STX11: variants seen among roughly 807,000 people sequenced by gnomAD.
STX11 encodes syntaxin 11, also known as syntaxin-11.
A neutral mutation model predicts 19.9 loss-of-function variants in STX11; 21 were observed. The observed-to-expected ratio is 1.06, with a 90% CI of 0.75 to 1.52. The LOEUF (loss-of-function observed/expected upper bound fraction) is 1.52. Among genes scored for constraint, STX11 ranks in the 40% most tolerant of loss-of-function variants. The pLI is 0.00. For synonymous variants in STX11, 193 were observed against 174.4 expected, an observed-to-expected ratio of 1.11 and a Z score of -0.84; for missense variants, 438 against 405.9, an observed-to-expected ratio of 1.08 and a Z score of -0.68.
chr6:144,162,459 T>C lies in STX11; in HGVS notation c.-6+11756T>C, dbSNP rs1429166238. ...TTTAGAAAGTTCCTTTAGTGGAGTT[T>C]TGGAAGGGAGCAAAAGTAATGTTCA... is the stretch of plus-strand genomic sequence containing the variant. On this transcript the variant is annotated intron_variant, in intron 1 of 1. Coordinates refer to ENST00000367568, the MANE Select transcript of STX11 (RefSeq NM_003764.4). The surrounding 1 kb of genome is among the most constrained non-coding windows in gnomAD (Gnocchi z 4.6). 6.6e-6 allele frequency among the ~76,000 whole-genome samples: 1 copy of C among 152,240 alleles called. No individual in the cohort carries two copies. Among genetic ancestry groups the C allele is most frequent in the Non-Finnish European group, 1.5e-5 (1 of 68,046 alleles).
chr6:144,140,202 C>G, the STX11 span, among the ~76,000 whole-genome samples: 1 of 99,806 alleles, frequency 1.0e-5, no homozygotes, highest in Non-Finnish European at 2.1e-5. Flanking sequence ...CATTTTTGGT[C>G]AATTCACATA....
rs1242174048 is a variant in STX11 at position 144,186,916 on chromosome 6, G to A, written c.289G>A (p.Gly97Ser). The change falls in exon 2 of 2, where the codon GGC (glycine) becomes AGC (serine). Residue 97 changes from glycine (G) to serine (S), a missense_variant. By Grantham distance (56) the Gly-to-Ser change is moderately conservative. Transcript: ENST00000367568. ...NSIAKAIKAR[G>S]EVIHCKLRAM... ...CATCGCCAAGGCCATCAAGGCCCGG[G>A]GCGAGGTCATCCACTGCAAGCTGCG... 6 of 1,610,626 alleles carry A rather than the reference G, an allele frequency of 3.7e-6. No individual in the cohort carries two copies. The highest frequency in any genetic ancestry group is 5.1e-6 in the Non-Finnish European group (6 of 1,180,010).
At chr6:144,179,319 G>T (rs577999327) in intron 1 of STX11, among the ~76,000 whole-genome samples, 1 of 152,318 alleles carries the variant, frequency 6.6e-6, no homozygotes, top group Admixed American at 6.5e-5. Flanking sequence ...TGAGATTTGG[G>T]TGGGGACATA....
rs1194378826 is a variant in STX11 at position 144,174,789 on chromosome 6, TA to T, written c.-5-11832del. Among the ~76,000 whole-genome samples the T allele has an allele frequency of 8.4e-6, 1 of 119,340 alleles. No homozygotes were observed. Among genetic ancestry groups the T allele is most frequent in the African/African-American group, 3.9e-5 (1 of 25,810 alleles). 78.3% of individuals were successfully genotyped at this position (119,340 alleles called of 152,430 possible). A position where few individuals can be genotyped will look rare whatever the true frequency, so the allele number is the denominator to read the frequency against. On this transcript the variant is annotated intron_variant, in intron 1 of 1. Transcript: ENST00000367568. The surrounding 1 kb of genome is among the most constrained non-coding windows in gnomAD (Gnocchi z 5.3). ...ACAGATGCTCACCACGTCATGGAAATAATCTAATTGGTTGATGTATTCATGG... is the reference window on the plus strand; with the variant it reads ...ACAGATGCTCACCACGTCATGGAAATATCTAATTGGTTGATGTATTCATGG...
chr6:144,187,213 G>A lies in STX11; in HGVS notation c.586G>A (p.Asp196Asn), dbSNP rs1258867894. The change falls in exon 2 of 2, where the codon GAC becomes AAC. Residue 196 changes from aspartate (D) to asparagine (N), a missense_variant. Coordinates refer to ENST00000367568, the MANE Select transcript of STX11 (RefSeq NM_003764.4). The surrounding 1 kb of genome is among the most constrained non-coding windows in gnomAD (Gnocchi z 5.6). ...WDVFSENLLA[D>N]VKGARAALNE... ...CGTGTTTTCCGAGAACTTGCTGGCCGACGTGAAGGGCGCGCGGGCCGCCCT... is the reference window on the plus strand; with the variant it reads ...CGTGTTTTCCGAGAACTTGCTGGCCAACGTGAAGGGCGCGCGGGCCGCCCT... The A allele has an allele frequency of 3.1e-6, 5 of 1,613,850 alleles. No individual in the cohort carries two copies. In the African/African-American group the frequency reaches 5.3e-5, roughly 17 times the overall value.
rs1241149259 is a variant in STX11 at position 144,185,397 on chromosome 6, GA to G, written c.-5-1224del. ...TGCTGCAAATTGTGTAGTAGAAAAAGAATCTTTCTCATCATGAAGTCTTGTG... is the reference window on the plus strand; with the variant it reads ...TGCTGCAAATTGTGTAGTAGAAAAAGATCTTTCTCATCATGAAGTCTTGTG... On this transcript the variant is annotated intron_variant, in intron 1 of 1. Coordinates refer to ENST00000367568, the MANE Select transcript of STX11 (RefSeq NM_003764.4). Among the ~76,000 whole-genome samples the G allele has an allele frequency of 2.6e-5, 4 of 152,240 alleles. No individual in the cohort carries two copies. The East Asian group carries it at 7.7e-4, about 29-fold the overall frequency.
intron 1 of STX11, among the ~76,000 whole-genome samples, chr6:144,163,619 C>A (rs1801402736): frequency 6.6e-6 from 1 of 152,102 alleles, no homozygotes; most frequent in Admixed American, 6.5e-5. Context: ...GCTGAGATAA[C>A]AGGCACCTGC....
In STX11 at chr6:144,177,284, C is replaced by T. The variant is rs1801799730; in HGVS notation, c.-5-9339C>T. Reference sequence around the variant, plus strand: ...AAACATAGATCTTTGCTGTATTTTCCAGGCAAAGTTTTGCTTCACATTCTA... The same window carrying T: ...AAACATAGATCTTTGCTGTATTTTCTAGGCAAAGTTTTGCTTCACATTCTA... On this transcript the variant is annotated intron_variant, in intron 1 of 1. Coordinates refer to ENST00000367568, the MANE Select transcript of STX11 (RefSeq NM_003764.4). This position sits in a 1 kb window ranked among gnomAD's most constrained non-coding sequence, Gnocchi z 4.4. 6.6e-6 allele frequency among the ~76,000 whole-genome samples: 1 copy of T among 152,184 alleles called. No individual in the cohort carries two copies. Among genetic ancestry groups the T allele is most frequent in the African/African-American group, 2.4e-5 (1 of 41,446 alleles).
intron 1 of STX11, among the ~76,000 whole-genome samples, chr6:144,168,639 TTCA>T (rs753381055): frequency 3.3e-5 from 5 of 152,218 alleles, no homozygotes; most frequent in African/African-American, 4.8e-5. Flanking sequence ...CACCACGTTG[TTCA>T]TCATCATCAC....
Position 144,186,808 on chromosome 6 carries a change from G to T in STX11, c.181G>T (p.Asp61Tyr). 1 of 1,613,746 alleles carries T rather than the reference G, an allele frequency of 6.2e-7. No individual in the cohort carries two copies. Among genetic ancestry groups the T allele is most frequent in the Non-Finnish European group, 8.5e-7 (1 of 1,179,988 alleles). ...IQDENQLLVADVKRLGKQNAR... is the reference protein window; with the variant it reads ...IQDENQLLVAYVKRLGKQNAR... ...GGATGAAAACCAGCTGCTGGTGGCC[G>T]ACGTGAAGCGGCTGGGAAAGCAGAA... Residue 61 changes from aspartate (D) to tyrosine (Y), a missense_variant, in exon 2 of 2, where the codon GAC (aspartate) becomes TAC (tyrosine). Asp to Tyr is a radical substitution (Grantham distance 160). Transcript: ENST00000367568.
rs1033850355 is a variant in STX11 at position 144,182,373 on chromosome 6, G to A, written c.-5-4250G>A. 2.0e-5 allele frequency among the ~76,000 whole-genome samples: 3 copies of A among 152,114 alleles called. No homozygotes were observed. The highest frequency in any genetic ancestry group is 2.1e-4 in the South Asian group (1 of 4,832). ...AGACAACTCATCCAAGGCTGGCTGA[G>A]CCAAGAGAGGTGGGCAGGAAGGCCA... On this transcript the variant is annotated intron_variant, in intron 1 of 1. Transcript: ENST00000367568. The surrounding 1 kb of genome is among the most constrained non-coding windows in gnomAD (Gnocchi z 4.8).
the STX11 span, among the ~76,000 whole-genome samples, chr6:144,140,202 C>T: frequency 1.0e-5 from 1 of 99,806 alleles, no homozygotes; most frequent in African/African-American, 3.2e-5. Flanking sequence ...CATTTTTGGT[C>T]AATTCACATA....
Position 144,155,585 on chromosome 6 carries a change from A to T in STX11, c.-6+4882A>T, listed in dbSNP as rs1200587030. ...TCATTCAGTGCTCAGATCACAAGAA[A>T]GGGAAGGGTTTTGGCTAATATTTCA... is the stretch of plus-strand genomic sequence containing the variant. On this transcript the variant is annotated intron_variant, in intron 1 of 1. Transcript: ENST00000367568. The surrounding 1 kb of genome is among the most constrained non-coding windows in gnomAD (Gnocchi z 4.5). 6.6e-6 allele frequency among the ~76,000 whole-genome samples: 1 copy of T among 152,182 alleles called. No individual in the cohort carries two copies. The highest frequency in any genetic ancestry group is 1.5e-5 in the Non-Finnish European group (1 of 68,036).
intron 1 of STX11, among the ~76,000 whole-genome samples, chr6:144,168,614 G>T (rs561484111): frequency 6.6e-6 from 1 of 152,016 alleles, no homozygotes; most frequent in African/African-American, 2.4e-5. Context: ...TCTGATATAC[G>T]GAATCCTTCA....
chr6:144,187,116 C>A lies in STX11; in HGVS notation c.489C>A (p.Arg163=). ...ACAACTGCAAGATCCGCATCCAGCG[C>A]CAGCTGGAGATCATGGGCAAGGAAG... The part of the protein sequence containing the change: ...QRDNCKIRIQ[R]QLEIMGKEVS... Residue 163 remains arginine, a synonymous_variant, in exon 2 of 2, where the codon CGC becomes CGA. Coordinates refer to ENST00000367568, the MANE Select transcript of STX11 (RefSeq NM_003764.4). The surrounding 1 kb of genome is among the most constrained non-coding windows in gnomAD (Gnocchi z 5.6). 1 of 1,613,958 alleles carries A rather than the reference C, an allele frequency of 6.2e-7. No homozygotes were observed. Among genetic ancestry groups the A allele is most frequent in the Non-Finnish European group, 8.5e-7 (1 of 1,180,016 alleles).
intron 1 of STX11, among the ~76,000 whole-genome samples, chr6:144,158,628 A>G (rs1801240371): frequency 6.6e-6 from 1 of 152,192 alleles, no homozygotes. Flanking sequence ...ATGGATTTCT[A>G]GGAGAATAAG....
At position 144,191,408 on chromosome 6, in the gene STX11, A is replaced by G. The variant is rs1456035918; in HGVS notation, c.*3917A>G. ...AGAGAACAGTACTCTTTTTATATCA[A>G]TGCCTTTACATTTATTTAAAAACAG... is the stretch of plus-strand genomic sequence containing the variant. On this transcript the variant is annotated 3_prime_UTR_variant, in exon 2 of 2. Transcript: ENST00000367568. 2.0e-5 allele frequency among the ~76,000 whole-genome samples: 3 copies of G among 151,464 alleles called. No individual in the cohort carries two copies.
At chr6:144,147,811 T>G (rs559513418), upstream of STX11, among the ~76,000 whole-genome samples, 1 of 152,222 alleles carries the variant, frequency 6.6e-6, no homozygotes, top group South Asian at 2.1e-4. The surrounding 1 kb of genome is among the most constrained non-coding windows in gnomAD (Gnocchi z 4.2). Flanking sequence ...GAGGCCAAGG[T>G]GGGAGGATCA....
chr6:144,186,312 A>G (rs906086545), intron 1 of STX11, among the ~76,000 whole-genome samples: 17 of 123,940 alleles, frequency 1.4e-4, no homozygotes, highest in Non-Finnish European at 2.4e-4. Context: ...AACTTAAAGT[A>G]TAATAAAATA....
Sources: allele counts gnomAD v4.1 joint callset (sites outside exome capture counted in the v4.1 genomes callset), GRCh38; gene constraint gnomAD v4.1.1; non-coding constraint Gnocchi (gnomAD v3.1); transcripts MANE v1.5; gene names NCBI Gene and HGNC (gene_info 2026-07-23, HGNC 2026-07-21).